Variants in DNAJA2 observed in about 807,000 individuals in gnomAD.
DNAJA2 encodes the protein DnaJ heat shock protein family (Hsp40) member A2.
In DNAJA2, 6 loss-of-function variants were observed where a neutral mutation model predicts 49.3. The ratio of observed to expected loss-of-function variants is 0.12; its 90% CI spans 0.07 to 0.24. DNAJA2 has a LOEUF of 0.24. Among genes scored for constraint, DNAJA2 ranks in the 10% least tolerant of loss-of-function variants. The pLI is 1.00. For missense variants in DNAJA2, 347 were observed against 516.8 expected, an observed-to-expected ratio of 0.67 and a Z score of 3.19; for synonymous variants, 160 against 172.7, an observed-to-expected ratio of 0.93 and a Z score of 0.58.
At chr16:46,964,034 T>A (rs1248778691) in intron 6 of DNAJA2, among the ~76,000 whole-genome samples, 4 of 152,148 alleles carry the variant, frequency 2.6e-5, no homozygotes, top group Non-Finnish European at 5.9e-5. Flanking sequence ...ATCGTGCCAC[T>A]GCATTCCAGC....
chr16:46,973,427 C>T, intron 1 of DNAJA2, 68 bp downstream of exon 1: 2 of 1,451,668 alleles, frequency 1.4e-6, no homozygotes. Context: ...CGCGGCCTGG[C>T]TGAAGAAGAC....
intron 6 of DNAJA2, among the ~76,000 whole-genome samples, chr16:46,963,574 A>G (rs1418962366): frequency 1.3e-5 from 2 of 151,822 alleles, no homozygotes; most frequent in African/African-American, 4.8e-5. Flanking sequence ...ATGATGGTGC[A>G]CCAGTTGTCC....
At position 46,957,804 on chromosome 16, in the gene DNAJA2, C is replaced by T. The variant is rs370727343; in HGVS notation, c.1048-584G>A. On this transcript the variant is annotated intron_variant, in intron 8 of 8. Coordinates refer to ENST00000317089, the MANE Select transcript of DNAJA2 (RefSeq NM_005880.4). Reference sequence around the variant, plus strand: ...TACAGGAGACACACCTTCCTGCATCCGGCATGGACACCAGCTTACGATAAA... The same window carrying T: ...TACAGGAGACACACCTTCCTGCATCTGGCATGGACACCAGCTTACGATAAA... 7.9e-5 allele frequency among the ~76,000 whole-genome samples: 12 copies of T among 152,182 alleles called. No homozygotes were observed. The South Asian group carries it at 1.0e-3, about 13-fold the overall frequency.
At chr16:46,960,468 G>A (rs1349034607) in intron 6 of DNAJA2, among the ~76,000 whole-genome samples, 2 of 152,050 alleles carry the variant, frequency 1.3e-5, no homozygotes, top group East Asian at 3.8e-4. Flanking sequence ...TTTTAATGCA[G>A]GATTTTTCAA....
intron 5 of DNAJA2, among the ~76,000 whole-genome samples, chr16:46,965,832 C>CAA (rs765934380): frequency 2.0e-4 from 11 of 55,662 alleles, no homozygotes; most frequent in East Asian, 4.1e-4. Context: ...CTCCGTCTCA[C>CAA]AAAAAAAAAA....
intron 8 of DNAJA2, chr16:46,958,713 G>C (rs930963174): frequency 2.2e-5 from 6 of 273,702 alleles, no homozygotes; most frequent in South Asian, 1.4e-4. Context: ...TGGGAGGCGG[G>C]GGGTACAGTG....
At chr16:46,957,299 T>C in intron 8 of DNAJA2, 79 bp from the exon 9 acceptor site, 1 of 1,331,754 alleles carries the variant, frequency 7.5e-7, no homozygotes, top group South Asian at 1.4e-5. Context: ...ATCCAGTGTC[T>C]GTTTAAGAGT....
intron 5 of DNAJA2, among the ~76,000 whole-genome samples, chr16:46,966,433 T>C (rs1465744186): frequency 6.6e-6 from 1 of 152,226 alleles, no homozygotes; most frequent in Non-Finnish European, 1.5e-5. Context: ...TTTAAAATAG[T>C]TCTCCAGTCA....
intron 5 of DNAJA2, 143 bp downstream of exon 5, chr16:46,967,370 G>C: frequency 5.4e-6 from 6 of 1,105,460 alleles, no homozygotes; most frequent in Non-Finnish European, 7.5e-6. Flanking sequence ...TGGAATTATA[G>C]GAATGAGCTA....
rs951516676 is a variant in DNAJA2 at position 46,973,642 on chromosome 16, G to C, written c.-70C>G. 1.3e-6 allele frequency: 2 copies of C among 1,511,792 alleles called. No homozygotes were observed. The highest frequency in any genetic ancestry group is 1.8e-6 in the Non-Finnish European group (2 of 1,121,252). The allele number at this position is 1,511,792 out of a possible 1,614,324, so 93.6% of individuals were successfully genotyped here. A position where few individuals can be genotyped will look rare whatever the true frequency, so the allele number is the denominator to read the frequency against. ...CAGAGCGGAGTCGGGCCCACAAGCG[G>C]CGTCGGCGGCGGCACAGGCCGAGGG... On this transcript the variant is annotated 5_prime_UTR_variant, in exon 1 of 9. Coordinates refer to ENST00000317089, the MANE Select transcript of DNAJA2 (RefSeq NM_005880.4).
At chr16:46,967,769 TC>T in intron 4 of DNAJA2, 123 bp from the exon 5 acceptor site, 1 of 1,311,030 alleles carries the variant, frequency 7.6e-7, no homozygotes, top group Non-Finnish European at 1.1e-6. Context: ...TAAATTGACT[TC>T]CAGAAGTATC....
rs547008191 is a variant in DNAJA2, at chr16:46,956,879, T to C, written c.*150A>G. 132 of 804,820 alleles carry C rather than the reference T, an allele frequency of 1.6e-4. No homozygotes were observed. Among genetic ancestry groups the C allele is most frequent in the African/African-American group, 1.5e-3 (88 of 58,828 alleles). The allele number at this position is 804,820 out of a possible 1,614,324, so 49.9% of individuals were successfully genotyped here. On this transcript the variant is annotated 3_prime_UTR_variant, in exon 9 of 9. Coordinates refer to ENST00000317089, the MANE Select transcript of DNAJA2 (RefSeq NM_005880.4). Reference sequence around the variant, plus strand: ...TGTGGTTAGTTTAAATTATACACTCTGTAGATACTATACCAATTTTAAAAG... The same window carrying C: ...TGTGGTTAGTTTAAATTATACACTCCGTAGATACTATACCAATTTTAAAAG...
In DNAJA2 at chr16:46,956,393, A is replaced by G. The variant is rs953222369; in HGVS notation, c.*636T>C. On this transcript the variant is annotated 3_prime_UTR_variant, in exon 9 of 9. Transcript: ENST00000317089. ...GTGACACAAAAGAATAATTTACACCAACCGCTTTTTATTATCGAGTTTCAG... is the reference window on the plus strand; with the variant it reads ...GTGACACAAAAGAATAATTTACACCGACCGCTTTTTATTATCGAGTTTCAG... 1 of 151,302 alleles carries G rather than the reference A, an allele frequency of 6.6e-6. No homozygotes were observed. The highest frequency in any genetic ancestry group is 1.5e-5 in the Non-Finnish European group (1 of 67,902). The allele number at this position is 151,302 out of a possible 1,614,324, so 9.4% of individuals were successfully genotyped here. A position where few individuals can be genotyped will look rare whatever the true frequency, so the allele number is the denominator to read the frequency against.
chr16:46,967,371 G>A (rs1273894822), intron 5 of DNAJA2, 142 bp downstream of exon 5: 5 of 1,110,334 alleles, frequency 4.5e-6, no homozygotes, highest in Non-Finnish European at 6.2e-6. Flanking sequence ...GGAATTATAG[G>A]AATGAGCTAA....
At chr16:46,968,047 G>A in intron 4 of DNAJA2, 37 bp downstream of exon 4, 6 of 1,519,986 alleles carry the variant, frequency 3.9e-6, no homozygotes, top group Non-Finnish European at 5.4e-6. Flanking sequence ...TAAAAGAACA[G>A]ACAAAATGTA....
chr16:46,959,400 T>C lies in DNAJA2; in HGVS notation c.794A>G (p.Asn265Ser). Residue 265 changes from asparagine to serine, a missense_variant, in exon 7 of 9, where the codon AAT (asparagine) becomes AGT (serine). Physicochemically the swap from Asn to Ser is conservative, Grantham distance 46 (BLOSUM62 1). Transcript: ENST00000317089. Reference sequence around the variant, plus strand: ...TATTTTATATGTCATGTGCAAATCATTCCCATCTCTCTGAAATACCTATAA... The same window carrying C: ...TATTTTATATGTCATGTGCAAATCACTCCCATCTCTCTGAAATACCTATAA... ...KEHEVFQRDG[N>S]DLHMTYKIGL... The C allele has an allele frequency of 6.2e-7, 1 of 1,611,998 alleles. No individual in the cohort carries two copies. Among genetic ancestry groups the C allele is most frequent in the Non-Finnish European group, 8.5e-7 (1 of 1,179,078 alleles).
intron 6 of DNAJA2, among the ~76,000 whole-genome samples, chr16:46,961,466 A>G (rs2042824050): frequency 6.6e-6 from 1 of 152,012 alleles, no homozygotes; most frequent in Admixed American, 6.6e-5. Flanking sequence ...AGGTAGGCAG[A>G]TCACTTGAGG....
intron 1 of DNAJA2, chr16:46,972,237 T>C: frequency 2.8e-6 from 1 of 356,514 alleles, no homozygotes; most frequent in Non-Finnish European, 5.1e-6. Flanking sequence ...GTTCAAACAT[T>C]ATCCATATTT....
chr16:46,959,566 G>A lies in DNAJA2; in HGVS notation c.775-147C>T, dbSNP rs574623302. The A allele has an allele frequency of 2.1e-5, 14 of 665,710 alleles. No homozygotes were observed. In the East Asian group the frequency reaches 2.5e-4, roughly 12 times the overall value. 41.2% of individuals were successfully genotyped at this position (665,710 alleles called of 1,614,324 possible). A position where few individuals can be genotyped will look rare whatever the true frequency, so the allele number is the denominator to read the frequency against. ...GCCACTGTCCCTAGTGCCCTAAACC[G>A]CATTAGGAAAGCTAGCTATTCCCAA... On this transcript the variant is annotated intron_variant, in intron 6 of 8. Coordinates refer to ENST00000317089, the MANE Select transcript of DNAJA2 (RefSeq NM_005880.4).
Sources: gnomAD v4.1 joint callset for allele counts (sites outside exome capture counted in the v4.1 genomes callset) on GRCh38, gnomAD v4.1.1 for gene constraint, MANE v1.5 for transcripts, NCBI Gene and HGNC (gene_info 2026-07-23, HGNC 2026-07-21) for gene names.